RUFY4: variants seen among roughly 807,000 people sequenced by gnomAD.
RUFY4 encodes the protein RUN and FYVE domain-containing protein 4.
In RUFY4, 73 loss-of-function variants were observed where a neutral mutation model predicts 69.0. The observed-to-expected ratio is 1.06, with a 90% CI of 0.88 to 1.29. RUFY4 has a LOEUF of 1.29. Among genes scored for constraint, RUFY4 ranks in the 50% most tolerant of loss-of-function variants. The probability of loss-of-function intolerance (pLI) is 0.00; values close to 1 mark genes in which losing one functional copy is unlikely to be tolerated. For missense variants in RUFY4, 770 were observed against 705.6 expected (o/e 1.09, Z -1.03); for synonymous variants, 287 against 271.8 (o/e 1.06, Z -0.55).
At chr2:218,040,793 C>G (rs76473145) in intron 2 of RUFY4, among the ~76,000 whole-genome samples, 1 of 152,042 alleles carries the variant, frequency 6.6e-6, no homozygotes, top group African/African-American at 2.4e-5. Flanking sequence ...CATAGATCCT[C>G]AGGTCTGGCA....
At chr2:218,045,732 G>C (rs1345749504) in intron 2 of RUFY4, among the ~76,000 whole-genome samples, 2 of 151,762 alleles carry the variant, frequency 1.3e-5, no homozygotes, top group Non-Finnish European at 2.9e-5. Context: ...GTACTTACCA[G>C]TCTTTTTTCT....
exon 7 of RUFY4, chr2:218,075,093 A>G (rs1689590271): frequency 6.6e-7 from 1 of 1,519,182 alleles, no homozygotes; most frequent in Admixed American, 2.1e-5. Context: ...CTCTCCACAG[A>G]TCCCAGCCGC....
chr2:218,061,096 C>G, intron 3 of RUFY4: 1 of 562,086 alleles, frequency 1.8e-6, no homozygotes, highest in Non-Finnish European at 3.5e-6. Flanking sequence ...AGCCATTCAT[C>G]TTGGAGGCAG....
chr2:218,059,640 C>T (rs1689138317), intron 3 of RUFY4: 1 of 167,022 alleles, frequency 6.0e-6, no homozygotes, highest in South Asian at 2.1e-4. Context: ...TCGTTATGTA[C>T]ATATCACATT....
chr2:218,052,894 T>A (rs1046943965), intron 2 of RUFY4, among the ~76,000 whole-genome samples: 1 of 152,060 alleles, frequency 6.6e-6, no homozygotes, highest in African/African-American at 2.4e-5. Flanking sequence ...AGTATTTTTA[T>A]TATCCTTCTG....
chr2:218,089,790 G>C, intron 10 of RUFY4, 162 bp from the exon 13 acceptor site: 2 of 715,670 alleles, frequency 2.8e-6, no homozygotes, highest in South Asian at 3.0e-5. Flanking sequence ...CCCTTCAGGA[G>C]AGGGGAGACC....
intron 2 of RUFY4, among the ~76,000 whole-genome samples, chr2:218,071,823 G>A (rs7355423): frequency 0.25 from 37,755 of 152,136 alleles, 5,785 homozygotes; most frequent in East Asian, 0.35. Flanking sequence ...TCCCCCTGGA[G>A]AGAAAGGCAG....
chr2:218,080,894 C>T lies in RUFY4; in HGVS notation c.1356-2216C>T, dbSNP rs78417727. On this transcript the variant is annotated intron_variant, in intron 8 of 10. Coordinates refer to ENST00000344321, the Ensembl canonical transcript of RUFY4. The stretch of plus-strand genomic sequence containing the variant: ...TGGCCTGTGTCCAGATTTCTGCCCC[C>T]TCCACTCATCAAGCTATGTGACCCT... Among the ~76,000 whole-genome samples, 766 of 152,262 alleles carry T rather than the reference C, an allele frequency of 5.0e-3. 9 individuals carry two copies. The highest frequency in any genetic ancestry group is 0.017 in the African/African-American group (725 of 41,544).
chr2:218,081,849 A>G (rs1689765699), intron 8 of RUFY4, among the ~76,000 whole-genome samples: 1 of 152,186 alleles, frequency 6.6e-6, no homozygotes, highest in African/African-American at 2.4e-5. Context: ...GTCATGGCCC[A>G]CCCAACTTTC....
intron 8 of RUFY4, among the ~76,000 whole-genome samples, chr2:218,077,921 G>A (rs1332226526): frequency 6.6e-6 from 1 of 152,230 alleles, no homozygotes; most frequent in African/African-American, 2.4e-5. Context: ...TCTGGGAGGA[G>A]CAGCTGGGAG....
intron 2 of RUFY4, among the ~76,000 whole-genome samples, chr2:218,052,838 G>GT (rs34869002): frequency 0.41 from 60,515 of 147,782 alleles, 13,259 homozygotes; most frequent in East Asian, 0.78. Flanking sequence ...CAGGTCTAAG[G>GT]TTTTTTTTTT....
At chr2:218,071,682 G>A (rs146252789) in intron 2 of RUFY4, among the ~76,000 whole-genome samples, 2 of 151,934 alleles carry the variant, frequency 1.3e-5, no homozygotes, top group African/African-American at 2.4e-5. Flanking sequence ...TTTTTTCTCC[G>A]TAGCAGTCAT....
At chr2:218,047,514 C>A (rs1688855638) in intron 2 of RUFY4, among the ~76,000 whole-genome samples, 1 of 152,100 alleles carries the variant, frequency 6.6e-6, no homozygotes, top group South Asian at 2.1e-4. Flanking sequence ...ACATTTTATA[C>A]TTTTCCTTAT....
intron 3 of RUFY4, among the ~76,000 whole-genome samples, chr2:218,062,729 A>G (rs573630704): frequency 6.6e-6 from 1 of 152,286 alleles, no homozygotes; most frequent in South Asian, 2.1e-4. Context: ...AAAATAACAT[A>G]ACATAAAATA....
Position 218,075,586 on chromosome 2 carries a change from C to A in RUFY4, c.1094C>A (p.Ser365Ter), listed in dbSNP as rs773995516. Residue 365 changes from serine (S) to a stop codon, truncating the protein, a stop_gained, in exon 7 of 11, where the codon TCG becomes TAG. Coordinates refer to ENST00000344321, the Ensembl canonical transcript of RUFY4. LOFTEE classifies it high-confidence loss of function. ...GCAGTATCAGGGAGCAGGCAGGGGTCGGGGGGCTCTAGCATCCTGGGGGAG... is the reference window on the plus strand; with the variant it reads ...GCAGTATCAGGGAGCAGGCAGGGGTAGGGGGGCTCTAGCATCCTGGGGGAG... 1.3e-6 allele frequency: 2 copies of A among 1,524,844 alleles called. No homozygotes were observed. The highest frequency in any genetic ancestry group is 4.5e-5 in the East Asian group (2 of 44,048). The allele number at this position is 1,524,844 out of a possible 1,614,324, so 94.5% of individuals were successfully genotyped here. A position where few individuals can be genotyped will look rare whatever the true frequency, so the allele number is the denominator to read the frequency against.
intron 2 of RUFY4, among the ~76,000 whole-genome samples, chr2:218,043,766 G>T (rs945435107): frequency 6.6e-6 from 1 of 152,158 alleles, no homozygotes; most frequent in Non-Finnish European, 1.5e-5. Context: ...GTGGGGCTTC[G>T]CCAGGGACCC....
chr2:218,038,921 T>C (rs1476760247), intron 2 of RUFY4, among the ~76,000 whole-genome samples: 1 of 152,160 alleles, frequency 6.6e-6, no homozygotes, highest in Non-Finnish European at 1.5e-5. Context: ...CTTGCAGCAG[T>C]CTTCTCCTTG....
intron 3 of RUFY4, among the ~76,000 whole-genome samples, chr2:218,063,698 A>C (rs941938522): frequency 6.6e-6 from 1 of 152,172 alleles, no homozygotes; most frequent in African/African-American, 2.4e-5. Flanking sequence ...GTAGGTGTTG[A>C]GTCATGGGTG....
intron 10 of RUFY4, 198 bp downstream of exon 12, chr2:218,089,560 T>C (rs1689980396): frequency 1.5e-6 from 1 of 647,868 alleles, no homozygotes; most frequent in Non-Finnish European, 2.8e-6. Flanking sequence ...AAGGATCAGA[T>C]AAGGAATGGG....
Sources: gnomAD v4.1 joint callset for allele counts (sites outside exome capture counted in the v4.1 genomes callset) on GRCh38, gnomAD v4.1.1 for gene constraint, MANE v1.5 for transcripts, NCBI Gene and HGNC (gene_info 2026-07-23, HGNC 2026-07-21) for gene names.